The following PDHA1 variants were observed in gnomAD, a reference collection of about 807,000 sequenced individuals.
The protein encoded by PDHA1 is pyruvate dehydrogenase E1 subunit alpha 1, also known as pyruvate dehydrogenase E1 component subunit alpha, somatic form, mitochondrial.
A neutral mutation model predicts 33.0 loss-of-function variants in PDHA1; 1 was observed. The ratio of observed to expected loss-of-function variants is 0.03; its 90% CI spans 0.01 to 0.14. The LOEUF (loss-of-function observed/expected upper bound fraction) is 0.14. Among genes scored for constraint, PDHA1 ranks in the 10% least tolerant of loss-of-function variants. The probability of loss-of-function intolerance (pLI) is 1.00; values close to 1 mark genes in which losing one functional copy is unlikely to be tolerated. For missense variants in PDHA1, 168 were observed against 325.1 expected (o/e 0.52, Z 3.72); for synonymous variants, 123 against 119.2 (o/e 1.03, Z -0.21).
chrX:19,360,059 T>G lies in PDHA1; in HGVS notation c.*406T>G. ...AGCCTGTTCGCGCTGACCATTTCTC[T>G]ACAAGATACAATATTTATTATCAGG... On this transcript the variant is annotated 3_prime_UTR_variant, in exon 11 of 11. Transcript: ENST00000422285. 1 of 203,140 alleles carries G rather than the reference T, an allele frequency of 4.9e-6. No homozygotes were observed. Among genetic ancestry groups the G allele is most frequent in the East Asian group, 1.3e-4 (1 of 7,494 alleles). The allele number at this position is 203,140 out of a possible 1,213,427, so 16.7% of individuals were successfully genotyped here.
rs1196796985 is a variant in PDHA1 at position 19,358,899 on chromosome X, C to T, written c.900-17C>T. 14 of 1,002,641 alleles carry T rather than the reference C, an allele frequency of 1.4e-5. No individual in the cohort carries two copies. The highest frequency in any genetic ancestry group is 1.9e-5 in the South Asian group (1 of 52,578). 82.6% of individuals were successfully genotyped at this position (1,002,641 alleles called of 1,213,427 possible). The stretch of plus-strand genomic sequence containing the variant: ...AACTGCTCTTACTGATCGATTACTA[C>T]TTTTCCCTCCCCATAGTTACCGTAC... On this transcript the variant is annotated splice_polypyrimidine_tract_variant and intron_variant, in intron 9 of 10. Coordinates refer to ENST00000422285, the MANE Select transcript of PDHA1 (RefSeq NM_000284.4).
At position 19,344,093 on chromosome X, in the gene PDHA1, C is replaced by A; in HGVS notation, c.56C>A (p.Pro19Gln). 8.3e-7 allele frequency: 1 copy of A among 1,201,999 alleles called. No individual in the cohort carries two copies. ...SRVLSGASQK[P>Q]ASRVLVASRN... ...GTGCTGTCTGGCGCTTCTCAGAAGC[C>A]GGTGAGACCTCCCGGGCGGGCCGGG... Residue 19 changes from proline to glutamine, a missense_variant and splice_region_variant, in exon 1 of 11, where the codon CCG (proline) becomes CAG (glutamine). Around this residue, in one of 5 missense-constraint regions of PDHA1, gnomAD observed 46 missense variants for 47.4 expected, o/e 0.97. Transcript: ENST00000422285.
In PDHA1 at chrX:19,360,868, G is replaced by A. The variant is rs1213251837; in HGVS notation, c.*1215G>A. ...AAACACAGCTGTCTTCAGAGTCAGT[G>A]CTTCAAGCCAACAGAGCTTAAAACT... On this transcript the variant is annotated 3_prime_UTR_variant, in exon 11 of 11. Transcript: ENST00000422285. 3 of 1,062,854 alleles carry A rather than the reference G, an allele frequency of 2.8e-6. No individual in the cohort carries two copies. The highest frequency in any genetic ancestry group is 2.0e-5 in the South Asian group (1 of 50,065). The allele number at this position is 1,062,854 out of a possible 1,213,427, so 87.6% of individuals were successfully genotyped here.
At chrX:19,350,651 C>T (rs7877399) in intron 3 of PDHA1, among the ~76,000 whole-genome samples, 4,854 of 112,251 alleles carry the variant, frequency 0.043, 238 homozygotes, top group African/African-American at 0.15. Context: ...CATAACATTG[C>T]CAGTTTTCTG....
chrX:19,347,055 T>C (rs1435848627), intron 1 of PDHA1, among the ~76,000 whole-genome samples: 1 of 111,187 alleles, frequency 9.0e-6, no homozygotes, highest in Admixed American at 9.6e-5. Flanking sequence ...CATACCTGAC[T>C]AATTTTTTAA....
In PDHA1 at chrX:19,358,901, T is replaced by A. The variant is rs1417833367; in HGVS notation, c.900-15T>A. 16 of 1,017,222 alleles carry A rather than the reference T, an allele frequency of 1.6e-5. No individual in the cohort carries two copies. Among genetic ancestry groups the A allele is most frequent in the East Asian group, 3.0e-5 (1 of 32,940 alleles). The allele number at this position is 1,017,222 out of a possible 1,213,427, so 83.8% of individuals were successfully genotyped here. A position where few individuals can be genotyped will look rare whatever the true frequency, so the allele number is the denominator to read the frequency against. On this transcript the variant is annotated splice_polypyrimidine_tract_variant and intron_variant, in intron 9 of 10. Transcript: ENST00000422285. Reference sequence around the variant, plus strand: ...CTGCTCTTACTGATCGATTACTACTTTTCCCTCCCCATAGTTACCGTACAC... The same window carrying A: ...CTGCTCTTACTGATCGATTACTACTATTCCCTCCCCATAGTTACCGTACAC...
intron 6 of PDHA1, 58 bp from the exon 7 acceptor site, chrX:19,355,291 A>G: frequency 7.9e-6 from 9 of 1,139,438 alleles, no homozygotes; most frequent in Non-Finnish European, 1.1e-5. Context: ...CAGCTGTTAG[A>G]GATGATGAAG....
At position 19,360,112 on chromosome X, in the gene PDHA1, GA is replaced by G. The variant is rs2063262044; in HGVS notation, c.*460del. On this transcript the variant is annotated 3_prime_UTR_variant, in exon 11 of 11. Transcript: ENST00000422285. Reference sequence around the variant, plus strand: ...AGAGGACAGTTCCATTTTAAAATAAGACTTTTGTAATCATTCCAATTTTGTA... The same window carrying G: ...AGAGGACAGTTCCATTTTAAAATAAGCTTTTGTAATCATTCCAATTTTGTA... 6.8e-6 allele frequency: 1 copy of G among 146,613 alleles called. No homozygotes were observed. The highest frequency in any genetic ancestry group is 1.2e-5 in the Non-Finnish European group (1 of 80,742). The allele number at this position is 146,613 out of a possible 1,213,427, so 12.1% of individuals were successfully genotyped here. A position where few individuals can be genotyped will look rare whatever the true frequency, so the allele number is the denominator to read the frequency against.
At chrX:19,352,770 C>T in intron 4 of PDHA1, 1 of 339,759 alleles carries the variant, frequency 2.9e-6, no homozygotes, top group Non-Finnish European at 5.3e-6. Context: ...ATTTAGTGTA[C>T]TAGTATAGGA....
In PDHA1 at chrX:19,361,308, T is replaced by TC; in HGVS notation, c.*1656dup. The TC allele has an allele frequency of 9.0e-7, 1 of 1,112,939 alleles. No homozygotes were observed. Among genetic ancestry groups the TC allele is most frequent in the Non-Finnish European group, 1.2e-6 (1 of 815,981 alleles). 91.7% of individuals were successfully genotyped at this position (1,112,939 alleles called of 1,213,427 possible). ...CATATTCACACATAAAAAGTTGTAT[T>TC]CTCTTATACAAACTGTTTTGAGGCT... On this transcript the variant is annotated 3_prime_UTR_variant, in exon 11 of 11. Transcript: ENST00000422285.
chrX:19,345,745 TCCC>T (rs745880160), intron 1 of PDHA1: 404 of 202,476 alleles, frequency 2.0e-3, no homozygotes, highest in South Asian at 3.4e-3. Flanking sequence ...GTTTGCAGGG[TCCC>T]CCCCCCCCCG....
chrX:19,354,304 A>G (rs992965731), intron 5 of PDHA1, among the ~76,000 whole-genome samples, 187 bp from the exon 6 acceptor site: 1 of 112,688 alleles, frequency 8.9e-6, no homozygotes, highest in South Asian at 3.6e-4. Flanking sequence ...GTATTTATAT[A>G]TTACTTTAGT....
intron 1 of PDHA1, among the ~76,000 whole-genome samples, 178 bp downstream of exon 1, chrX:19,344,272 G>A (rs1410539270): frequency 8.9e-6 from 1 of 112,799 alleles, no homozygotes; most frequent in Non-Finnish European, 1.9e-5. Context: ...AAGCGGCACG[G>A]ACCGGGATCA....
chrX:19,359,810 G>GTACATTAGTGCATTA lies in PDHA1; in HGVS notation c.*158_*172dup, dbSNP rs1210472421. 2 of 511,172 alleles carry GTACATTAGTGCATTA rather than the reference G, an allele frequency of 3.9e-6. No homozygotes were observed. The highest frequency in any genetic ancestry group is 4.6e-5 in the African/African-American group (2 of 43,194). The allele number at this position is 511,172 out of a possible 1,213,427, so 42.1% of individuals were successfully genotyped here. On this transcript the variant is annotated 3_prime_UTR_variant, in exon 11 of 11. Transcript: ENST00000422285. The stretch of plus-strand genomic sequence containing the variant: ...AGCAGGTAGTAATTGCATGCAGTTT[G>GTACATTAGTGCATTA]TACATTAGTGCATTAAAAGATGAAT...
chrX:19,355,529 G>GGGCCAAGGCCAA lies in PDHA1; in HGVS notation c.759+34_759+45dup, dbSNP rs11278403. On this transcript the variant is annotated intron_variant, in intron 7 of 10. Coordinates refer to ENST00000422285, the MANE Select transcript of PDHA1 (RefSeq NM_000284.4). ...AGTAAGGACACCTGTGGTGGGGCCG[G>GGGCCAAGGCCAA]GGCCAAGGCCAAGGCCAAGGGTATG... 17 of 1,206,553 alleles carry GGGCCAAGGCCAA rather than the reference G, an allele frequency of 1.4e-5. No homozygotes were observed. The highest frequency in any genetic ancestry group is 3.5e-5 in the African/African-American group (2 of 57,150).
At chrX:19,356,686 G>T (rs1232963313) in intron 8 of PDHA1, among the ~76,000 whole-genome samples, 1 of 96,811 alleles carries the variant, frequency 1.0e-5, no homozygotes, top group African/African-American at 5.8e-5. Flanking sequence ...GTTGTAGAAT[G>T]TAGTTGTAGA....
Position 19,361,281 on chromosome X carries a change from A to G in PDHA1, c.*1628A>G. 1.0e-6 allele frequency: 1 copy of G among 963,509 alleles called. No individual in the cohort carries two copies. Among genetic ancestry groups the G allele is most frequent in the African/African-American group, 1.9e-5 (1 of 52,634 alleles). The allele number at this position is 963,509 out of a possible 1,213,427, so 79.4% of individuals were successfully genotyped here. A position where few individuals can be genotyped will look rare whatever the true frequency, so the allele number is the denominator to read the frequency against. The stretch of plus-strand genomic sequence containing the variant: ...CCAGCCCTTTGTTTTCTGCTCTTGA[A>G]GCATATTCACACATAAAAAGTTGTA... On this transcript the variant is annotated 3_prime_UTR_variant, in exon 11 of 11. Transcript: ENST00000422285.
chrX:19,357,861 C>G (rs2063214541), intron 9 of PDHA1, 142 bp downstream of exon 9: 1 of 522,883 alleles, frequency 1.9e-6, no homozygotes, highest in African/African-American at 2.3e-5. Flanking sequence ...ATCAAGTTAT[C>G]TGAAAGCAGT....
At position 19,350,015 on chromosome X, in the gene PDHA1, A is replaced by G; in HGVS notation, c.196A>G (p.Arg66Gly). 1 of 1,196,617 alleles carries G rather than the reference A, an allele frequency of 8.4e-7. No individual in the cohort carries two copies. The highest frequency in any genetic ancestry group is 1.1e-6 in the Non-Finnish European group (1 of 881,620). Residue 66 changes from arginine (R) to glycine (G), a missense_variant, in exon 3 of 11, where the codon AGG (arginine) becomes GGG (glycine). Coordinates refer to ENST00000422285, the MANE Select transcript of PDHA1 (RefSeq NM_000284.4). ...LTREDGLKYY[R>G]MMQTVRRMEL... ...CAGGGAGGATGGGCTCAAATACTAC[A>G]GGATGATGCAGACTGTACGCCGAAT...
Sources: gnomAD v4.1 joint callset for allele counts (sites outside exome capture counted in the v4.1 genomes callset) on GRCh38, gnomAD v4.1.1 for gene constraint, gnomAD v4.1.1 regional missense constraint, MANE v1.5 for transcripts, NCBI Gene and HGNC (gene_info 2026-07-23, HGNC 2026-07-21) for gene names.